Variants in ITPR2 observed in about 807,000 individuals in gnomAD.
The protein encoded by ITPR2 is inositol 1,4,5-trisphosphate-gated calcium channel ITPR2.
A neutral mutation model predicts 317.1 loss-of-function variants in ITPR2; 207 were observed. The observed-to-expected ratio is 0.65, with a 90% CI of 0.58 to 0.73. The LOEUF is 0.73. ITPR2 is among the 30% of genes least tolerant of loss of function. The probability of loss-of-function intolerance (pLI) is 0.00; values close to 1 mark genes in which losing one functional copy is unlikely to be tolerated. For synonymous variants in ITPR2, 1,156 were observed against 1,149.1 expected (o/e 1.01, Z -0.12); for missense variants, 2,613 against 3,284.0 (o/e 0.80, Z 4.99).
At chr12:26,819,656 G>T (rs1437952634) in intron 1 of ITPR2, among the ~76,000 whole-genome samples, 1 of 151,884 alleles carries the variant, frequency 6.6e-6, no homozygotes, top group Non-Finnish European at 1.5e-5. Context: ...CCTAAATTAA[G>T]AAATGGCTTC....
chr12:26,360,400 T>TA (rs1169463134), intron 55 of ITPR2, among the ~76,000 whole-genome samples: 6 of 152,186 alleles, frequency 3.9e-5, no homozygotes, highest in Non-Finnish European at 5.9e-5. Context: ...TGATGATCTT[T>TA]AGCTTCCCCT....
chr12:26,538,457 C>T (rs1944162534), intron 37 of ITPR2, among the ~76,000 whole-genome samples: 1 of 152,176 alleles, frequency 6.6e-6, no homozygotes, highest in African/African-American at 2.4e-5. Flanking sequence ...CATTTACTTT[C>T]ACCAGCATTA....
At chr12:26,416,459 A>C (rs1193881651) in intron 50 of ITPR2, among the ~76,000 whole-genome samples, 1 of 152,178 alleles carries the variant, frequency 6.6e-6, no homozygotes, top group Non-Finnish European at 1.5e-5. Context: ...TGTGGGCAGT[A>C]ATTAGAGTTT....
chr12:26,455,092 G>A (rs757049026), intron 45 of ITPR2, among the ~76,000 whole-genome samples: 2 of 151,798 alleles, frequency 1.3e-5, no homozygotes, highest in South Asian at 2.1e-4. Context: ...GATGAGTTCC[G>A]CAACAGTTCT....
rs1356550882 is a variant in ITPR2 at position 26,832,745 on chromosome 12, C to T, written c.37G>A (p.Asp13Asn). 1 of 1,602,990 alleles carries T rather than the reference C, an allele frequency of 6.2e-7. No individual in the cohort carries two copies. Among genetic ancestry groups the T allele is most frequent in the Non-Finnish European group, 8.5e-7 (1 of 1,175,532 alleles). ...CCCTCCGCGTACAGGGACACGATGT[C>T]CCCTATGTAGAGGAAGCTGGACATT... ...EKMSSFLYIG[D>N]IVSLYAEGSV... Residue 13 changes from aspartate (D) to asparagine (N), a missense_variant, in exon 1 of 57, where the codon GAC becomes AAC. Physicochemically the swap from Asp to Asn is conservative, Grantham distance 23. This residue lies in a region of ITPR2 where 515 missense variants were observed against 789.4 expected (regional missense o/e 0.65). Transcript: ENST00000381340.
chr12:26,410,404 A>G (rs1940506977), intron 52 of ITPR2, among the ~76,000 whole-genome samples: 1 of 152,136 alleles, frequency 6.6e-6, no homozygotes, highest in East Asian at 1.9e-4. Context: ...AGAAGGGTCT[A>G]TTCATTATTC....
intron 21 of ITPR2, among the ~76,000 whole-genome samples, chr12:26,639,503 G>A (rs1946934653): frequency 6.6e-6 from 1 of 151,210 alleles, no homozygotes; most frequent in Non-Finnish European, 1.5e-5. Context: ...AAGTTTTAGG[G>A]TACATGTGCA....
At chr12:26,468,094 T>C (rs559757599) in intron 45 of ITPR2, among the ~76,000 whole-genome samples, 1 of 152,298 alleles carries the variant, frequency 6.6e-6, no homozygotes, top group South Asian at 2.1e-4. Context: ...TGGTTCTAGT[T>C]GGACATAACA....
chr12:26,534,727 A>C (rs1360701306), intron 37 of ITPR2, among the ~76,000 whole-genome samples: 1 of 152,240 alleles, frequency 6.6e-6, no homozygotes, highest in African/African-American at 2.4e-5. Context: ...AATGTTGAAC[A>C]CTTAAGGAAT....
intron 13 of ITPR2, among the ~76,000 whole-genome samples, chr12:26,670,300 C>G (rs911040221): frequency 6.6e-6 from 1 of 152,218 alleles, no homozygotes; most frequent in African/African-American, 2.4e-5. Context: ...AGGCACCCCC[C>G]AGTAGGGGCA....
chr12:26,591,145 T>G lies in ITPR2; in HGVS notation c.4380+4320A>C, dbSNP rs554765863. On this transcript the variant is annotated intron_variant, in intron 32 of 56. Transcript: ENST00000381340. ...GGAAACAATCAACAAAGTAAAGAGA[T>G]AATCCACAGAATGAGAGAGAATATT... 2.8e-5 allele frequency among the ~76,000 whole-genome samples: 4 copies of G among 142,148 alleles called. No homozygotes were observed. In the East Asian group the frequency reaches 8.4e-4, roughly 30 times the overall value. The allele number at this position is 142,148 out of a possible 152,430, so 93.3% of individuals were successfully genotyped here. A position where few individuals can be genotyped will look rare whatever the true frequency, so the allele number is the denominator to read the frequency against.
intron 1 of ITPR2, among the ~76,000 whole-genome samples, chr12:26,818,775 A>T (rs944589151): frequency 2.6e-5 from 4 of 152,070 alleles, no homozygotes; most frequent in Admixed American, 2.6e-4. Context: ...GTTGAAGTCA[A>T]AGATCTACCC....
At chr12:26,513,289 C>T (rs868024720) in intron 37 of ITPR2, among the ~76,000 whole-genome samples, 1 of 152,078 alleles carries the variant, frequency 6.6e-6, no homozygotes, top group Non-Finnish European at 1.5e-5. Flanking sequence ...ATTTTAAAAG[C>T]CCTTGCTTAA....
rs546673466 is a variant in ITPR2 at position 26,641,056 on chromosome 12, C to T, written c.2741-8997G>A. Among the ~76,000 whole-genome samples, 7 of 152,160 alleles carry T rather than the reference C, an allele frequency of 4.6e-5. No homozygotes were observed. The South Asian group carries it at 6.2e-4, about 14-fold the overall frequency. ...AGTATGTGATTTAGAAAGATCCTTA[C>T]GTTGGAATGTGGAGAAAGAGTCAAA... On this transcript the variant is annotated intron_variant, in intron 21 of 56. Coordinates refer to ENST00000381340, the MANE Select transcript of ITPR2 (RefSeq NM_002223.4).
Position 26,415,388 on chromosome 12 carries a change from GT to G in ITPR2, c.7220del (p.Tyr2407SerfsTer11). 1 of 1,612,944 alleles carries G rather than the reference GT, an allele frequency of 6.2e-7. No homozygotes were observed. ...LTAVLALILV[Y>X]LFSIIGFLFL... ...AAAGGAACCCAATAATGGAAAACAGGTAGACGAGGATGAGAGCCAGGACTGC... is the reference window on the plus strand; with the variant it reads ...AAAGGAACCCAATAATGGAAAACAGGAGACGAGGATGAGAGCCAGGACTGC... On this transcript the variant is annotated frameshift_variant, in exon 51 of 57. Transcript: ENST00000381340. LOFTEE classifies it high-confidence loss of function.
At chr12:26,555,628 C>T (rs1329599950) in intron 36 of ITPR2, among the ~76,000 whole-genome samples, 1 of 152,170 alleles carries the variant, frequency 6.6e-6, no homozygotes, top group Non-Finnish European at 1.5e-5. Flanking sequence ...TATAATAGAT[C>T]TGCAATACCA....
chr12:26,384,709 G>A lies in ITPR2; in HGVS notation c.7857+2725C>T, dbSNP rs1939616883. Among the ~76,000 whole-genome samples the A allele has an allele frequency of 2.6e-5, 4 of 152,152 alleles. No homozygotes were observed. The South Asian group carries it at 8.3e-4, about 32-fold the overall frequency. Reference sequence around the variant, plus strand: ...CTAGGTCATAAAATCCAAAGGCTTTGACCTGTTTCTTCTTTCTGGCCTCTT... The same window carrying A: ...CTAGGTCATAAAATCCAAAGGCTTTAACCTGTTTCTTCTTTCTGGCCTCTT... On this transcript the variant is annotated intron_variant, in intron 55 of 56. Transcript: ENST00000381340.
chr12:26,589,827 A>T (rs1269542285), intron 32 of ITPR2, among the ~76,000 whole-genome samples: 1,096 of 33,982 alleles, frequency 0.032, 85 homozygotes, highest in Non-Finnish European at 0.059. Flanking sequence ...TAAATAAATA[A>T]ATAAACATAT....
chr12:26,516,136 A>G (rs1943484263), intron 37 of ITPR2, among the ~76,000 whole-genome samples: 2 of 142,414 alleles, frequency 1.4e-5, no homozygotes, highest in South Asian at 4.7e-4. Context: ...AAGAAAAAAG[A>G]AAAGAAAAGA....
Sources: gnomAD v4.1 joint callset for allele counts (sites outside exome capture counted in the v4.1 genomes callset) on GRCh38, gnomAD v4.1.1 for gene constraint, gnomAD v4.1.1 regional missense constraint, MANE v1.5 for transcripts, NCBI Gene and HGNC (gene_info 2026-07-23, HGNC 2026-07-21) for gene names.